The following RGS6 variants were observed in gnomAD, a reference collection of about 807,000 sequenced individuals.
The protein encoded by RGS6 is regulator of G-protein signaling 6.
Under a neutral mutation model 78.5 loss-of-function variants are expected in RGS6, and 30 were observed. The observed-to-expected ratio is 0.38, with a 90% CI of 0.29 to 0.52. The LOEUF (loss-of-function observed/expected upper bound fraction) is 0.52, where lower values mean the gene tolerates loss of function less well. RGS6 is among the 20% of genes least tolerant of loss of function. The pLI, the probability that RGS6 is intolerant of heterozygous loss-of-function variation, is 0.85. For synonymous variants in RGS6, 206 were observed against 206.0 expected, an observed-to-expected ratio of 1.00 and a Z score of 0.00; for missense variants, 495 against 609.7, an observed-to-expected ratio of 0.81 and a Z score of 1.98.
the RGS6 span, among the ~76,000 whole-genome samples, chr14:72,599,817 G>T: frequency 7.1e-3 from 1,076 of 152,142 alleles, 9 homozygotes; most frequent in Admixed American, 0.015. Context: ...GATTTTAGTG[G>T]TAAGCCCTGA....
the RGS6 span, among the ~76,000 whole-genome samples, chr14:71,923,061 T>G: frequency 6.6e-6 from 1 of 152,194 alleles, no homozygotes; most frequent in African/African-American, 2.4e-5. Flanking sequence ...CTCAGAAGCC[T>G]TTTTCCAAAA....
chr14:72,250,024 G>T (rs2055245069), intron 2 of RGS6, among the ~76,000 whole-genome samples: 1 of 146,644 alleles, frequency 6.8e-6, no homozygotes. Context: ...CTCACTCATA[G>T]GTGGGAATTG....
intron 2 of RGS6, among the ~76,000 whole-genome samples, chr14:72,255,713 C>G (rs530421789): frequency 6.6e-6 from 1 of 152,178 alleles, no homozygotes; most frequent in Non-Finnish European, 1.5e-5. Flanking sequence ...TTGCATACCT[C>G]TCTATGTTCA....
intron 3 of RGS6, among the ~76,000 whole-genome samples, chr14:72,365,353 T>A (rs898919032): frequency 6.6e-6 from 1 of 152,144 alleles, no homozygotes; most frequent in Non-Finnish European, 1.5e-5. Context: ...TGATATCCAG[T>A]TTTCCAGAAT....
intron 2 of RGS6, among the ~76,000 whole-genome samples, chr14:72,218,491 T>C (rs1194191410): frequency 1.3e-5 from 2 of 152,184 alleles, no homozygotes; most frequent in Non-Finnish European, 2.9e-5. Flanking sequence ...TGTATCAGTA[T>C]ATTAGTTATT....
intron 2 of RGS6, among the ~76,000 whole-genome samples, chr14:72,094,901 A>G (rs1009046816): frequency 1.3e-5 from 2 of 152,118 alleles, no homozygotes; most frequent in African/African-American, 4.8e-5. Context: ...CAATTACACA[A>G]CAAGCAAGGG....
intron 2 of RGS6, among the ~76,000 whole-genome samples, chr14:72,182,979 C>T (rs1012848046): frequency 6.6e-6 from 1 of 152,172 alleles, no homozygotes; most frequent in Non-Finnish European, 1.5e-5. Flanking sequence ...TGACCCACCC[C>T]GGGCTAGCAC....
chr14:71,918,017 C>CA, the RGS6 span, among the ~76,000 whole-genome samples: 2 of 151,236 alleles, frequency 1.3e-5, no homozygotes, highest in East Asian at 1.9e-4. Flanking sequence ...ACTGAAAATA[C>CA]AAAAAAATAA....
chr14:72,137,148 G>T (rs1372042519), intron 2 of RGS6, among the ~76,000 whole-genome samples: 1 of 152,126 alleles, frequency 6.6e-6, no homozygotes, highest in Non-Finnish European at 1.5e-5. Flanking sequence ...ATAAACTAAG[G>T]TGCAGCCACT....
intron 2 of RGS6, among the ~76,000 whole-genome samples, chr14:71,983,472 G>A (rs1376341719): frequency 6.6e-6 from 1 of 152,190 alleles, no homozygotes; most frequent in East Asian, 1.9e-4. Context: ...AATATATTCT[G>A]TCACAGTTCA....
At chr14:72,521,178 C>T (rs1202423506) in intron 15 of RGS6, among the ~76,000 whole-genome samples, 2 of 152,216 alleles carry the variant, frequency 1.3e-5, no homozygotes, top group Admixed American at 6.5e-5. Flanking sequence ...TTTCTTACAC[C>T]TGTGCCTCTT....
chr14:71,888,471 G>A, the RGS6 span, among the ~76,000 whole-genome samples: 1 of 151,610 alleles, frequency 6.6e-6, no homozygotes, highest in Admixed American at 6.6e-5. Flanking sequence ...GAATTTATCT[G>A]CCTTGCTCCC....
chr14:72,508,406 C>G (rs2096836131), intron 13 of RGS6, among the ~76,000 whole-genome samples: 1 of 152,064 alleles, frequency 6.6e-6, no homozygotes, highest in Admixed American at 6.5e-5. Context: ...ATCAGTCACA[C>G]TAGCCAGTTT....
At chr14:72,463,207 T>C (rs1209229649) in intron 6 of RGS6, among the ~76,000 whole-genome samples, 1 of 152,132 alleles carries the variant, frequency 6.6e-6, no homozygotes, top group Non-Finnish European at 1.5e-5. Flanking sequence ...GAAATAGAAA[T>C]TTTTCGGTAA....
intron 2 of RGS6, among the ~76,000 whole-genome samples, chr14:72,217,346 G>A: frequency 6.6e-6 from 1 of 152,200 alleles, no homozygotes; most frequent in East Asian, 1.9e-4. Context: ...CATTCCCACA[G>A]GAAGACTGCC....
In RGS6 at chr14:72,405,655, G is replaced by A. The variant is rs8015756; in HGVS notation, c.185-48873G>A. 1.7e-3 allele frequency among the ~76,000 whole-genome samples: 253 copies of A among 152,130 alleles called. 2 individuals are homozygous for A. The highest frequency in any genetic ancestry group is 6.0e-3 in the African/African-American group (248 of 41,496). ...GTTTATGGATAAATTTTGACTGCCT[G>A]TAACCCATGTGGCCTTGTGTCATCA... On this transcript the variant is annotated intron_variant, in intron 3 of 17. Transcript: ENST00000553525.
intron 2 of RGS6, among the ~76,000 whole-genome samples, chr14:72,305,501 T>C (rs1411342066): frequency 6.6e-6 from 1 of 152,240 alleles, no homozygotes; most frequent in Non-Finnish European, 1.5e-5. Flanking sequence ...ATTTTGGTAA[T>C]TCTCAAAATA....
intron 2 of RGS6, among the ~76,000 whole-genome samples, chr14:71,968,351 G>A (rs2093634601): frequency 6.6e-6 from 1 of 152,292 alleles, no homozygotes; most frequent in South Asian, 2.1e-4. Flanking sequence ...AACTAAGTTT[G>A]AAAAGCACTT....
At chr14:71,881,146 C>T in the RGS6 span, among the ~76,000 whole-genome samples, 1 of 152,160 alleles carries the variant, frequency 6.6e-6, no homozygotes, top group Non-Finnish European at 1.5e-5. Flanking sequence ...CCAATTTATT[C>T]CATTTGGAAT....
Sources: gnomAD v4.1 joint callset for allele counts (sites outside exome capture counted in the v4.1 genomes callset) on GRCh38, gnomAD v4.1.1 for gene constraint, MANE v1.5 for transcripts, NCBI Gene and HGNC (gene_info 2026-07-23, HGNC 2026-07-21) for gene names.